The following PRC1 variants were observed in gnomAD, a reference collection of about 807,000 sequenced individuals.
PRC1 encodes anaphase spindle elongation 1 homolog.
A neutral mutation model predicts 91.2 loss-of-function variants in PRC1; 54 were observed. The ratio of observed to expected loss-of-function variants is 0.59; its 90% CI spans 0.48 to 0.74. The LOEUF (loss-of-function observed/expected upper bound fraction) is 0.74. Ranked by LOEUF, PRC1 falls within the 30% of genes least tolerant of loss-of-function variation. The pLI, the probability that PRC1 is intolerant of heterozygous loss-of-function variation, is 0.00. For synonymous variants in PRC1, 275 were observed against 263.6 expected (o/e 1.04, Z -0.42); for missense variants, 727 against 746.2 (o/e 0.97, Z 0.30).
chr15:90,971,739 C>T (rs1483102167), intron 11 of PRC1, among the ~76,000 whole-genome samples: 1 of 151,862 alleles, frequency 6.6e-6, no homozygotes, highest in Admixed American at 6.6e-5. Flanking sequence ...GCCTGTAATC[C>T]CAGCTACTCG....
At chr15:90,967,370 C>CATTCT (rs1359509127) in intron 14 of PRC1, 168 bp from the exon 15 acceptor site, 1 of 620,170 alleles carries the variant, frequency 1.6e-6, no homozygotes, top group African/African-American at 1.8e-5. Context: ...CTCTGAGCAC[C>CATTCT]ATTCTATTAG....
chr15:90,976,555 A>C (rs2038718972), intron 9 of PRC1, 121 bp downstream of exon 9: 3 of 819,920 alleles, frequency 3.7e-6, no homozygotes, highest in South Asian at 3.4e-5. Flanking sequence ...TATATAACTT[A>C]TTATCTCTGC....
intron 11 of PRC1, 81 bp from the exon 12 acceptor site, chr15:90,970,595 T>G: frequency 5.0e-6 from 5 of 1,003,812 alleles, no homozygotes; most frequent in Non-Finnish European, 4.4e-6. Flanking sequence ...TACAGAGAAA[T>G]GACTATGGGA....
intron 11 of PRC1, 30 bp from the exon 12 acceptor site, chr15:90,970,544 G>A (rs1288382991): frequency 1.4e-6 from 2 of 1,460,014 alleles, no homozygotes; most frequent in East Asian, 2.3e-5. Flanking sequence ...GGTAACTGAT[G>A]TGCAGTAACA....
In PRC1 at chr15:90,980,331, A is replaced by C. The variant is rs2098968561; in HGVS notation, c.881T>G (p.Ile294Ser). 2 of 1,614,046 alleles carry C rather than the reference A, an allele frequency of 1.2e-6. No homozygotes were observed. Among genetic ancestry groups the C allele is most frequent in the African/African-American group, 2.7e-5 (2 of 74,908 alleles). The change falls in exon 7 of 15, where the codon ATT becomes AGT. Residue 294 changes from isoleucine to serine, a missense_variant. Transcript: ENST00000394249. ...AACCAGCTCCACTCGAATTGCCTCA[A>C]TCACTTTCTTCATGTTTTGCATTTT... Reference protein sequence around the residue: ...ELKMQNMKKVIEAIRVELVQY... With the variant: ...ELKMQNMKKVSEAIRVELVQY...
At chr15:90,969,316 A>T in intron 13 of PRC1, 131 bp downstream of exon 13, 1 of 1,306,002 alleles carries the variant, frequency 7.7e-7, no homozygotes, top group Non-Finnish European at 1.1e-6. Context: ...CCATGGTCAA[A>T]GCAGGAAAGG....
intron 11 of PRC1, among the ~76,000 whole-genome samples, chr15:90,973,839 T>A (rs1340135925): frequency 6.6e-6 from 1 of 151,982 alleles, no homozygotes; most frequent in Non-Finnish European, 1.5e-5. Flanking sequence ...TTCTCCCCAC[T>A]ATCACCCTGT....
chr15:90,994,414 T>G lies in PRC1; in HGVS notation c.4A>C (p.Arg2=). Residue 2 remains arginine, a synonymous_variant, in exon 1 of 15, where the codon AGG becomes CGG. Transcript: ENST00000394249. M[R]RSEVLAEESI... The stretch of plus-strand genomic sequence containing the variant: ...TTTCCCCGCAACCCGCACCTTCTCC[T>G]CATGGCGGACGCTCCAAGCAGCCGT... 6.2e-7 allele frequency: 1 copy of G among 1,611,646 alleles called. No homozygotes were observed. Among genetic ancestry groups the G allele is most frequent in the Non-Finnish European group, 8.5e-7 (1 of 1,179,084 alleles).
At chr15:90,969,761 A>AAATAT (rs1468521171) in intron 12 of PRC1, 138 bp from the exon 13 acceptor site, 1 of 144,052 alleles carries the variant, frequency 6.9e-6, no homozygotes, top group Non-Finnish European at 1.4e-5. Flanking sequence ...TTAAAAAAAA[A>AAATAT]ACATATATAT....
chr15:90,968,932 T>C, intron 14 of PRC1, 147 bp downstream of exon 14: 2 of 1,478,814 alleles, frequency 1.4e-6, no homozygotes, highest in Non-Finnish European at 9.0e-7. Flanking sequence ...AAATCAGATG[T>C]GTTTTTTTGA....
At chr15:90,992,369 T>C (rs941413576) in intron 1 of PRC1, among the ~76,000 whole-genome samples, 72 of 152,358 alleles carry the variant, frequency 4.7e-4, no homozygotes, top group African/African-American at 1.7e-3. Context: ...CAATGGTTCC[T>C]TGTATATAAC....
intron 1 of PRC1, among the ~76,000 whole-genome samples, chr15:90,991,961 GC>G (rs1418521329): frequency 4.5e-4 from 69 of 152,274 alleles, no homozygotes; most frequent in African/African-American, 1.7e-3. Flanking sequence ...CCATCTGAAA[GC>G]CATTTCTTTT....
rs547313612 is a variant in PRC1, at chr15:90,969,671, G to GCA, written c.1573-50_1573-49dup. ...CATGTATCATCCTTCTAATGAACGT[G>GCA]CACACGCACACACAATACCTGCACT... On this transcript the variant is annotated intron_variant, in intron 12 of 14. Transcript: ENST00000394249. 514 of 1,520,480 alleles carry GCA rather than the reference G, an allele frequency of 3.4e-4. 1 individual carries two copies. In the African/African-American group the frequency reaches 5.9e-3, roughly 17 times the overall value. The allele number at this position is 1,520,480 out of a possible 1,614,324, so 94.2% of individuals were successfully genotyped here.
In PRC1 at chr15:90,967,049, G is replaced by T. The variant is rs1003139653; in HGVS notation, c.*82C>A. 19 of 1,299,442 alleles carry T rather than the reference G, an allele frequency of 1.5e-5. No homozygotes were observed. The highest frequency in any genetic ancestry group is 1.9e-5 in the Non-Finnish European group (17 of 901,106). The allele number at this position is 1,299,442 out of a possible 1,614,324, so 80.5% of individuals were successfully genotyped here. A position where few individuals can be genotyped will look rare whatever the true frequency, so the allele number is the denominator to read the frequency against. ...CCAAGGTTTCAAGCACGCCTAAGCT[G>T]AAGAAAAACTAAAGTCACCCCCATA... On this transcript the variant is annotated 3_prime_UTR_variant, in exon 15 of 15. Coordinates refer to ENST00000394249, the MANE Select transcript of PRC1 (RefSeq NM_003981.4).
chr15:90,987,391 A>G (rs1244638981), intron 1 of PRC1, among the ~76,000 whole-genome samples: 1 of 152,258 alleles, frequency 6.6e-6, no homozygotes, highest in African/African-American at 2.4e-5. Flanking sequence ...GTTGCTGCTT[A>G]CACAGGTGCA....
At chr15:90,977,576 GTTTTTTTTTTTT>G (rs777558725) in intron 8 of PRC1, among the ~76,000 whole-genome samples, 2 of 95,478 alleles carry the variant, frequency 2.1e-5, no homozygotes, top group Non-Finnish European at 3.9e-5. Context: ...CCTTATTTAC[GTTTTTTTTTTTT>G]TTTTTTTTTT....
intron 13 of PRC1, 75 bp from the exon 14 acceptor site, chr15:90,969,195 T>G (rs780005476): frequency 2.3e-5 from 34 of 1,473,990 alleles, no homozygotes; most frequent in Non-Finnish European, 3.2e-5. Context: ...AGGGGTTGCC[T>G]CCTGCAGCCA....
At chr15:90,982,084 C>T (rs1596315219) in intron 3 of PRC1, 103 bp from the exon 4 acceptor site, 2 of 1,075,610 alleles carry the variant, frequency 1.9e-6, no homozygotes, top group Non-Finnish European at 2.7e-6. Flanking sequence ...TTCAGTTAAA[C>T]TAACAAGTAA....
intron 14 of PRC1, chr15:90,968,787 T>TG (rs1416296440): frequency 8.2e-7 from 1 of 1,217,744 alleles, no homozygotes; most frequent in Non-Finnish European, 1.0e-6. Flanking sequence ...TTCCAGCTAT[T>TG]GCAGGCCTTT....
Sources: gnomAD v4.1 joint callset for allele counts (sites outside exome capture counted in the v4.1 genomes callset) on GRCh38, gnomAD v4.1.1 for gene constraint, MANE v1.5 for transcripts, NCBI Gene and HGNC (gene_info 2026-07-23, HGNC 2026-07-21) for gene names.